RAB38: variants seen among roughly 807,000 people sequenced by gnomAD.
The protein encoded by RAB38 is RAB38, member RAS oncogene family, also known as ras-related protein Rab-38.
A neutral mutation model predicts 18.4 loss-of-function variants in RAB38; 15 were observed. The observed-to-expected ratio is 0.82, with a 90% confidence interval of 0.55 to 1.26. The LOEUF (loss-of-function observed/expected upper bound fraction) is 1.26. RAB38 is among the 50% of genes most tolerant of loss of function. The probability of loss-of-function intolerance (pLI) is 0.00; values close to 1 mark genes in which losing one functional copy is unlikely to be tolerated. For missense variants in RAB38, 294 were observed against 267.4 expected (o/e 1.10, Z -0.69); for synonymous variants, 101 against 104.4 (o/e 0.97, Z 0.20).
the RAB38 span, among the ~76,000 whole-genome samples, chr11:87,844,622 A>G: frequency 6.6e-6 from 1 of 152,146 alleles, no homozygotes; most frequent in Admixed American, 6.6e-5. Context: ...TACTTTTCTC[A>G]AAGTAGGCCT....
the RAB38 span, among the ~76,000 whole-genome samples, chr11:87,969,151 T>C: frequency 6.6e-6 from 1 of 152,126 alleles, no homozygotes; most frequent in Non-Finnish European, 1.5e-5. Context: ...AAAAGTTACA[T>C]TACCTTCAAA....
intron 2 of RAB38, among the ~76,000 whole-genome samples, chr11:88,149,355 G>C (rs1013336462): frequency 6.6e-6 from 1 of 152,200 alleles, no homozygotes; most frequent in Non-Finnish European, 1.5e-5. Context: ...TAAAGTTGTG[G>C]TGAGGACTAA....
the RAB38 span, among the ~76,000 whole-genome samples, chr11:87,852,949 C>A: frequency 5.5e-3 from 767 of 139,638 alleles, 5 homozygotes; most frequent in South Asian, 0.033. Flanking sequence ...TAACATCTAT[C>A]TTGCATATGA....
chr11:87,945,635 T>C, the RAB38 span, among the ~76,000 whole-genome samples: 2 of 152,140 alleles, frequency 1.3e-5, no homozygotes, highest in African/African-American at 4.8e-5. Flanking sequence ...ATTCATAGTA[T>C]CATAAAAATA....
chr11:87,947,005 C>G, the RAB38 span, among the ~76,000 whole-genome samples: 1 of 151,892 alleles, frequency 6.6e-6, no homozygotes, highest in Non-Finnish European at 1.5e-5. Flanking sequence ...ACAGTCCCAC[C>G]AACAGTGTAA....
the RAB38 span, among the ~76,000 whole-genome samples, chr11:87,878,257 T>TACACACACAC: frequency 2.1e-5 from 2 of 93,722 alleles, no homozygotes; most frequent in African/African-American, 1.1e-4. Flanking sequence ...CTATCATCTA[T>TACACACACAC]CTATCTATCT....
the RAB38 span, among the ~76,000 whole-genome samples, chr11:88,044,418 C>A: frequency 1.3e-5 from 2 of 152,122 alleles, no homozygotes; most frequent in Non-Finnish European, 2.9e-5. Context: ...GGCAGCCTTC[C>A]ACCCTCCATT....
intron 2 of RAB38, among the ~76,000 whole-genome samples, chr11:88,130,546 C>G (rs1942754139): frequency 6.6e-6 from 1 of 152,188 alleles, no homozygotes; most frequent in African/African-American, 2.4e-5. Context: ...ACTTCATTTT[C>G]TGCCATAATA....
At chr11:88,058,420 T>C in the RAB38 span, among the ~76,000 whole-genome samples, 1 of 152,216 alleles carries the variant, frequency 6.6e-6, no homozygotes, top group Non-Finnish European at 1.5e-5. Flanking sequence ...ATCTACTTCC[T>C]GAAGAGTAGA....
At chr11:88,167,502 G>C (rs1943259267) in intron 1 of RAB38, 1 of 152,282 alleles carries the variant, frequency 6.6e-6, no homozygotes, top group Non-Finnish European at 1.5e-5. Flanking sequence ...AGGGAAGCTG[G>C]AGGAGGGGAT....
chr11:87,873,922 G>GTGTGTGTATATATATATA, the RAB38 span, among the ~76,000 whole-genome samples: 21 of 103,106 alleles, frequency 2.0e-4, no homozygotes, highest in East Asian at 7.8e-4. Context: ...GTGTGTGTGT[G>GTGTGTGTATATATATATA]TATATATATA....
At chr11:87,973,418 C>T in the RAB38 span, among the ~76,000 whole-genome samples, 1 of 151,996 alleles carries the variant, frequency 6.6e-6, no homozygotes, top group South Asian at 2.1e-4. Flanking sequence ...CTTCAAGAAT[C>T]GGACCATAGG....
the RAB38 span, among the ~76,000 whole-genome samples, chr11:88,057,931 A>G: frequency 2.6e-5 from 4 of 152,284 alleles, no homozygotes; most frequent in African/African-American, 9.6e-5. Context: ...CATCCTCACA[A>G]ATGAAAAAAA....
At chr11:88,168,984 G>A (rs1224595881) in intron 1 of RAB38, among the ~76,000 whole-genome samples, 1 of 152,198 alleles carries the variant, frequency 6.6e-6, no homozygotes, top group Non-Finnish European at 1.5e-5. Flanking sequence ...AGAAAAGAAA[G>A]ATGTTCTGGG....
At chr11:87,961,203 C>G in the RAB38 span, among the ~76,000 whole-genome samples, 2 of 152,126 alleles carry the variant, frequency 1.3e-5, no homozygotes, top group Non-Finnish European at 2.9e-5. Context: ...GTGGAGAACA[C>G]TTTGATCCCA....
chr11:87,861,638 G>A, the RAB38 span, among the ~76,000 whole-genome samples: 1 of 151,754 alleles, frequency 6.6e-6, no homozygotes, highest in Non-Finnish European at 1.5e-5. Context: ...TTTTGAGAAA[G>A]CCAAAATTTT....
chr11:87,852,129 T>A, the RAB38 span, among the ~76,000 whole-genome samples: 11 of 152,240 alleles, frequency 7.2e-5, no homozygotes, highest in Middle Eastern at 6.8e-3. Flanking sequence ...TGTCCGTGTG[T>A]CTTTAGAGAC....
the RAB38 span, among the ~76,000 whole-genome samples, chr11:88,107,034 TACAC>T: frequency 6.6e-6 from 1 of 152,178 alleles, no homozygotes; most frequent in Non-Finnish European, 1.5e-5. Flanking sequence ...ACACCAGGAC[TACAC>T]ACCATCGTTA....
At chr11:87,881,810 C>G in the RAB38 span, among the ~76,000 whole-genome samples, 1 of 151,944 alleles carries the variant, frequency 6.6e-6, no homozygotes, top group East Asian at 2.0e-4. Flanking sequence ...TATTCTTTAT[C>G]CTGCTAAAAG....
Sources: gnomAD v4.1 joint callset for allele counts (sites outside exome capture counted in the v4.1 genomes callset) on GRCh38, gnomAD v4.1.1 for gene constraint, MANE v1.5 for transcripts, NCBI Gene and HGNC (gene_info 2026-07-23, HGNC 2026-07-21) for gene names.